The following CALCRL variants were observed in gnomAD, a reference collection of about 807,000 sequenced individuals.
CALCRL encodes the protein calcitonin receptor like receptor, also known as calcitonin gene-related peptide type 1 receptor.
A neutral mutation model predicts 60.4 loss-of-function variants in CALCRL; 27 were observed. That is an observed-to-expected ratio of 0.45 (90% CI 0.33 to 0.62). The LOEUF is 0.62. CALCRL is among the 20% of genes least tolerant of loss of function. The pLI, the probability that CALCRL is intolerant of heterozygous loss-of-function variation, is 0.03. For missense variants in CALCRL, 424 were observed against 540.7 expected, an observed-to-expected ratio of 0.78 and a Z score of 2.14; for synonymous variants, 190 against 182.6, an observed-to-expected ratio of 1.04 and a Z score of -0.33.
intron 9 of CALCRL, among the ~76,000 whole-genome samples, chr2:187,363,135 G>A (rs1299275287): frequency 6.6e-6 from 1 of 151,936 alleles, no homozygotes; most frequent in Non-Finnish European, 1.5e-5. Context: ...TCTGTATCTT[G>A]GGGAATACTG....
chr2:187,392,382 A>C (rs2105804636), intron 1 of CALCRL, among the ~76,000 whole-genome samples: 1 of 152,258 alleles, frequency 6.6e-6, no homozygotes, highest in South Asian at 2.1e-4. Context: ...CATAAGGTTC[A>C]CCCACCTGAA....
intron 8 of CALCRL, among the ~76,000 whole-genome samples, chr2:187,378,438 TA>T (rs1233275128): frequency 1.3e-5 from 2 of 152,134 alleles, no homozygotes; most frequent in African/African-American, 2.4e-5. Flanking sequence ...GAATTACAAG[TA>T]AAATTGAAAG....
In CALCRL at chr2:187,345,944, A is replaced by T. The variant is rs1025102272; in HGVS notation, c.*240T>A. ...CCACACTTGGTGATGTCAGGTTAGT[A>T]GCGTCACATCAGGCATAGTGGGAGT... On this transcript the variant is annotated 3_prime_UTR_variant, in exon 15 of 15. Coordinates refer to ENST00000392370, the MANE Select transcript of CALCRL (RefSeq NM_005795.6). The T allele has an allele frequency of 1.7e-5, 6 of 348,816 alleles. No homozygotes were observed. The highest frequency in any genetic ancestry group is 3.1e-5 in the Non-Finnish European group (6 of 192,904). 21.6% of individuals were successfully genotyped at this position (348,816 alleles called of 1,614,324 possible).
chr2:187,436,598 C>CT (rs1469418843), intron 1 of CALCRL: 1 of 152,090 alleles, frequency 6.6e-6, no homozygotes, highest in African/African-American at 2.4e-5. Flanking sequence ...TAACACTTAC[C>CT]ATTGTCCCAG....
At chr2:187,436,358 A>C (rs2105901758) in intron 1 of CALCRL, among the ~76,000 whole-genome samples, 1 of 152,262 alleles carries the variant, frequency 6.6e-6, no homozygotes, top group African/African-American at 2.4e-5. Flanking sequence ...ACCAAACAGC[A>C]CTGCTGCTTT....
chr2:187,402,284 G>T (rs1241151461), intron 1 of CALCRL, among the ~76,000 whole-genome samples: 2 of 151,646 alleles, frequency 1.3e-5, no homozygotes, highest in Non-Finnish European at 2.9e-5. Context: ...TGTTTTCAGA[G>T]ATACTTAAAA....
chr2:187,367,417 A>G (rs1016966623), intron 8 of CALCRL, among the ~76,000 whole-genome samples: 20 of 152,156 alleles, frequency 1.3e-4, no homozygotes, highest in Non-Finnish European at 2.6e-4. Context: ...GCTAAGTAAC[A>G]TATGGTTTCT....
chr2:187,423,805 G>GTA (rs1435422401), intron 1 of CALCRL, among the ~76,000 whole-genome samples: 1 of 151,970 alleles, frequency 6.6e-6, no homozygotes, highest in African/African-American at 2.4e-5. Context: ...CAAATGATTT[G>GTA]AAGTTAGACT....
intron 1 of CALCRL, chr2:187,441,957 T>C (rs996752333): frequency 6.6e-6 from 1 of 151,544 alleles, no homozygotes; most frequent in Non-Finnish European, 1.5e-5. Context: ...CAACTCATGC[T>C]GTCTGTCTGC....
chr2:187,379,014 A>G lies in CALCRL; in HGVS notation c.426T>C (p.Phe142=). Residue 142 remains phenylalanine, a synonymous_variant, in exon 8 of 15, where the codon TTT becomes TTC. Transcript: ENST00000392370. ...ATCCGTGTCCAATTATGGTCAGGTA[A>G]AACAAATTTAGTGCAGTCTGTAATT... ...HEKVKTALNL[F]YLTIIGHGLS... is the part of the protein sequence containing the mutation. 1 of 1,605,772 alleles carries G rather than the reference A, an allele frequency of 6.2e-7. No individual in the cohort carries two copies. The highest frequency in any genetic ancestry group is 8.5e-7 in the Non-Finnish European group (1 of 1,174,096).
At chr2:187,397,802 T>A (rs796690662) in intron 1 of CALCRL, among the ~76,000 whole-genome samples, 2 of 151,874 alleles carry the variant, frequency 1.3e-5, no homozygotes, top group African/African-American at 4.8e-5. Context: ...AGTATTTGAC[T>A]TTTTTAGTTG....
chr2:187,422,095 A>G (rs1689899833), intron 1 of CALCRL, among the ~76,000 whole-genome samples: 1 of 152,184 alleles, frequency 6.6e-6, no homozygotes, highest in Non-Finnish European at 1.5e-5. Context: ...CAAGAGATCA[A>G]AGGTAGCTAG....
chr2:187,433,824 A>C (rs1321610261), intron 1 of CALCRL, among the ~76,000 whole-genome samples: 7 of 152,142 alleles, frequency 4.6e-5, no homozygotes, highest in Non-Finnish European at 1.0e-4. Flanking sequence ...ATACTGGTTA[A>C]ATTCAGCTGA....
Position 187,343,615 on chromosome 2 carries a change from T to C in CALCRL, c.*2569A>G, listed in dbSNP as rs890622094. On this transcript the variant is annotated 3_prime_UTR_variant, in exon 15 of 15. Transcript: ENST00000392370. ...AACTTTAGGAAATAAAATGACAAAT[T>C]AGAATTTAGAAAATTAAAATATGAC... The C allele has an allele frequency of 6.6e-6, 1 of 151,736 alleles. No individual in the cohort carries two copies. The highest frequency in any genetic ancestry group is 1.5e-5 in the Non-Finnish European group (1 of 67,582). 9.4% of individuals were successfully genotyped at this position (151,736 alleles called of 1,614,324 possible). A position where few individuals can be genotyped will look rare whatever the true frequency, so the allele number is the denominator to read the frequency against.
chr2:187,369,663 C>T (rs1355624276), intron 8 of CALCRL, among the ~76,000 whole-genome samples: 2 of 152,118 alleles, frequency 1.3e-5, no homozygotes, highest in African/African-American at 4.8e-5. Flanking sequence ...TAATACAAAG[C>T]AAAACCCTGA....
chr2:187,419,252 A>G (rs1689765640), intron 1 of CALCRL, among the ~76,000 whole-genome samples: 1 of 152,048 alleles, frequency 6.6e-6, no homozygotes, highest in Admixed American at 6.6e-5. Flanking sequence ...TTTGGGCATG[A>G]CACCTTTAAA....
At chr2:187,426,346 G>A (rs1690124872) in intron 1 of CALCRL, among the ~76,000 whole-genome samples, 1 of 150,246 alleles carries the variant, frequency 6.7e-6, no homozygotes, top group African/African-American at 2.5e-5. Flanking sequence ...AACAAAATTT[G>A]TACACAGATT....
chr2:187,407,579 T>G (rs1285620218), intron 1 of CALCRL, among the ~76,000 whole-genome samples: 9 of 152,126 alleles, frequency 5.9e-5, no homozygotes, highest in Non-Finnish European at 1.3e-4. Flanking sequence ...CATTTTCGCC[T>G]ATTAATCTTA....
chr2:187,348,633 C>G (rs1167600224), intron 14 of CALCRL, among the ~76,000 whole-genome samples: 2 of 151,580 alleles, frequency 1.3e-5, no homozygotes, highest in Non-Finnish European at 3.0e-5. Context: ...TTCCTTGCAA[C>G]TAAATCATCA....
Sources: gnomAD v4.1 joint callset for allele counts (sites outside exome capture counted in the v4.1 genomes callset) on GRCh38, gnomAD v4.1.1 for gene constraint, MANE v1.5 for transcripts, NCBI Gene and HGNC (gene_info 2026-07-23, HGNC 2026-07-21) for gene names.